ZNF410: variants seen among roughly 807,000 people sequenced by gnomAD.
ZNF410 encodes another partner for ARF 1.
ZNF410 carries 18 observed loss-of-function variants against 54.8 expected under a neutral mutation model. The ratio of observed to expected loss-of-function variants is 0.33; its 90% CI spans 0.23 to 0.49. ZNF410 has a LOEUF of 0.49. ZNF410 is among the 20% of genes least tolerant of loss of function. The pLI is 0.99. For synonymous variants in ZNF410, 191 were observed against 207.3 expected (o/e 0.92, Z 0.68); for missense variants, 405 against 569.6 (o/e 0.71, Z 2.94).
chr14:73,907,605 A>T (rs965654798), intron 7 of ZNF410, among the ~76,000 whole-genome samples: 5 of 148,470 alleles, frequency 3.4e-5, no homozygotes, highest in Admixed American at 6.7e-5. Flanking sequence ...AAAAAAAAAA[A>T]TTTTGACTGG....
At chr14:73,926,209 T>G (rs1345170895) in intron 11 of ZNF410, among the ~76,000 whole-genome samples, 2 of 152,192 alleles carry the variant, frequency 1.3e-5, no homozygotes, top group Non-Finnish European at 2.9e-5. Context: ...TATAATATCT[T>G]TACCACTTCA....
chr14:73,921,944 G>A lies in ZNF410; in HGVS notation c.1130-122G>A, dbSNP rs76612352. The A allele has an allele frequency of 5.2e-3, 5,704 of 1,087,948 alleles. 21 individuals carry two copies. The highest frequency in any genetic ancestry group is 6.8e-3 in the Non-Finnish European group (5,118 of 749,068). 67.4% of individuals were successfully genotyped at this position (1,087,948 alleles called of 1,614,324 possible). A position where few individuals can be genotyped will look rare whatever the true frequency, so the allele number is the denominator to read the frequency against. The stretch of plus-strand genomic sequence containing the variant: ...CTCGAAAGTAGGTGAAATAGGGGGT[G>A]GCATCCCATCTATAGGTTAACTTCT... On this transcript the variant is annotated intron_variant, in intron 9 of 11. Transcript: ENST00000555044.
chr14:73,909,609 G>C (rs995494277), intron 8 of ZNF410, 179 bp downstream of exon 8: 12 of 480,566 alleles, frequency 2.5e-5, no homozygotes, highest in Non-Finnish European at 3.9e-5. Context: ...ATCAAGGTTG[G>C]GGGGGGGACA....
chr14:73,909,772 A>G lies in ZNF410; in HGVS notation c.1003+342A>G, dbSNP rs988331592. Reference sequence around the variant, plus strand: ...CATTTTTATCCTTGGGGAGGATTTCATATCAGAAGAAAGTAAAAAGACTGA... The same window carrying G: ...CATTTTTATCCTTGGGGAGGATTTCGTATCAGAAGAAAGTAAAAAGACTGA... On this transcript the variant is annotated intron_variant, in intron 8 of 11. Coordinates refer to ENST00000555044, the MANE Select transcript of ZNF410 (RefSeq NM_021188.3). Among the ~76,000 whole-genome samples the G allele has an allele frequency of 3.9e-5, 6 of 152,202 alleles. 1 individual carries two copies. The highest frequency in any genetic ancestry group is 4.1e-4 in the South Asian group (2 of 4,834).
At chr14:73,920,938 C>T (rs1397576317) in intron 8 of ZNF410, 42 bp from the exon 9 acceptor site, 1 of 1,611,526 alleles carries the variant, frequency 6.2e-7, no homozygotes, top group African/African-American at 1.3e-5. Flanking sequence ...CATTCTCTTC[C>T]TGTCCTTTTG....
Position 73,896,510 on chromosome 14 carries a change from A to G in ZNF410, c.364A>G (p.Ile122Val). ...ACAGCCAAGTGATAGCACTTCTTTTATTCTTCTTAACCTAACAAGAGCAGG... is the reference window on the plus strand; with the variant it reads ...ACAGCCAAGTGATAGCACTTCTTTTGTTCTTCTTAACCTAACAAGAGCAGG... ...DLQPSDSTSFILLNLTRAGLG... is the reference protein window; with the variant it reads ...DLQPSDSTSFVLLNLTRAGLG... The change falls in exon 4 of 12, where the codon ATT becomes GTT. Residue 122 changes from isoleucine (I) to valine (V), a missense_variant. This residue lies in a region of ZNF410 where 247 missense variants were observed against 342.8 expected (regional missense o/e 0.72). Coordinates refer to ENST00000555044, the MANE Select transcript of ZNF410 (RefSeq NM_021188.3). 1 of 1,614,118 alleles carries G rather than the reference A, an allele frequency of 6.2e-7. No homozygotes were observed. The highest frequency in any genetic ancestry group is 8.5e-7 in the Non-Finnish European group (1 of 1,180,008).
chr14:73,918,455 A>G (rs1464503895), intron 8 of ZNF410, among the ~76,000 whole-genome samples: 3 of 151,944 alleles, frequency 2.0e-5, no homozygotes, highest in African/African-American at 4.8e-5. Context: ...GGTTGAATCA[A>G]TGGATGTGGA....
intron 5 of ZNF410, chr14:73,903,626 C>T (rs1297870640): frequency 8.1e-6 from 2 of 247,620 alleles, no homozygotes; most frequent in Non-Finnish European, 1.6e-5. Flanking sequence ...GCCTCAACTA[C>T]AGGACTGCGC....
At chr14:73,912,281 C>T (rs11159045) in intron 8 of ZNF410, among the ~76,000 whole-genome samples, 129,170 of 151,778 alleles carry the variant, frequency 0.85, 55,196 homozygotes, top group East Asian at 0.94. Context: ...GCAATTCTCC[C>T]GTCTCAGCCA....
rs140000626 is a variant in ZNF410 at position 73,929,618 on chromosome 14, A to G, written c.1399-1885A>G. ...TTGGGAGGCTGGGGTGGGAGGATCA[A>G]TTGAGCTTAGGAGTTTGAGACCAGC... On this transcript the variant is annotated intron_variant, in intron 11 of 11. Transcript: ENST00000555044. 2.7e-3 allele frequency among the ~76,000 whole-genome samples: 409 copies of G among 152,010 alleles called. 2 individuals are homozygous for G. The highest frequency in any genetic ancestry group is 9.4e-3 in the African/African-American group (388 of 41,454).
rs767119767 is a variant in ZNF410, at chr14:73,921,104, T to C, written c.1128T>C (p.Thr376=). 6.2e-7 allele frequency: 1 copy of C among 1,613,862 alleles called. No homozygotes were observed. Among genetic ancestry groups the C allele is most frequent in the East Asian group, 2.2e-5 (1 of 44,886 alleles). Residue 376 remains threonine, a splice_region_variant and synonymous_variant, in exon 9 of 12, where the codon ACT becomes ACC. Coordinates refer to ENST00000555044, the MANE Select transcript of ZNF410 (RefSeq NM_021188.3). ...GAAGSQEQEQ[T]AEPLMGSSLL... is the part of the protein sequence containing the mutation. ...CTGGGAGTCAAGAGCAGGAGCAAAC[T>C]GGTGAGGAGGGTGGGCATAGTGGAA...
chr14:73,905,041 A>T lies in ZNF410; in HGVS notation c.871A>T (p.Thr291Ser), dbSNP rs1187779521. Residue 291 changes from threonine to serine, a missense_variant, in exon 7 of 12, where the codon ACT (threonine) becomes TCT (serine). This residue lies in a region of ZNF410 where 31 missense variants were observed against 85.5 expected (regional missense o/e 0.36). Coordinates refer to ENST00000555044, the MANE Select transcript of ZNF410 (RefSeq NM_021188.3). ...CHESGCGKQF[T>S]TAGNLKNHRR... ...TGAGTCTGGCTGTGGTAAGCAGTTTACTACAGCTGGAAACCTGAAGAACCA... is the reference window on the plus strand; with the variant it reads ...TGAGTCTGGCTGTGGTAAGCAGTTTTCTACAGCTGGAAACCTGAAGAACCA... The T allele has an allele frequency of 6.2e-7, 1 of 1,613,928 alleles. No individual in the cohort carries two copies. Among genetic ancestry groups the T allele is most frequent in the South Asian group, 1.1e-5 (1 of 91,062 alleles).
chr14:73,893,986 A>G (rs2140295562), intron 3 of ZNF410, 54 bp downstream of exon 3: 4 of 1,546,548 alleles, frequency 2.6e-6, no homozygotes, highest in Non-Finnish European at 3.5e-6. Flanking sequence ...AGCTTAGCCT[A>G]CTCTATGTTA....
rs906481832 is a variant in ZNF410, at chr14:73,918,997, C to CTTTTTTT, written c.1004-1959_1004-1953dup. The stretch of plus-strand genomic sequence containing the variant: ...ACAGGAGTAAGCCACCGTGCCCGGC[C>CTTTTTTT]TTTTTTTTTTTTTTTTTTTTTTTTT... On this transcript the variant is annotated intron_variant, in intron 8 of 11. Coordinates refer to ENST00000555044, the MANE Select transcript of ZNF410 (RefSeq NM_021188.3). Among the ~76,000 whole-genome samples, 5 of 60,640 alleles carry CTTTTTTT rather than the reference C, an allele frequency of 8.2e-5. 1 individual carries two copies. The highest frequency in any genetic ancestry group is 1.8e-3 in the South Asian group (2 of 1,140). The allele number at this position is 60,640 out of a possible 152,430, so 39.8% of individuals were successfully genotyped here. A position where few individuals can be genotyped will look rare whatever the true frequency, so the allele number is the denominator to read the frequency against.
intron 2 of ZNF410, chr14:73,893,444 A>T (rs2055262400): frequency 5.4e-6 from 1 of 185,124 alleles, no homozygotes. Context: ...ACAGCATGTT[A>T]CTGTACTGAA....
In ZNF410 at chr14:73,892,023, C is replaced by G. The variant is rs765325517; in HGVS notation, c.-149-4C>G. On this transcript the variant is annotated splice_region_variant and splice_polypyrimidine_tract_variant and intron_variant, in intron 1 of 11. Transcript: ENST00000555044. ...CCCCTCTCTCTTTTTTACCCCTATT[C>G]TAGGTTACATTGATTACCCACCTAG... is the stretch of plus-strand genomic sequence containing the variant. 7 of 846,108 alleles carry G rather than the reference C, an allele frequency of 8.3e-6. No homozygotes were observed. In the South Asian group the frequency reaches 9.6e-5, roughly 12 times the overall value. 52.4% of individuals were successfully genotyped at this position (846,108 alleles called of 1,614,324 possible).
intron 8 of ZNF410, chr14:73,914,978 T>C (rs1457555940): frequency 6.6e-6 from 1 of 150,546 alleles, no homozygotes; most frequent in African/African-American, 2.4e-5. Context: ...ATAGAAGTGG[T>C]GAGGCCGGGC....
At chr14:73,925,926 C>T (rs953239665) in intron 11 of ZNF410, among the ~76,000 whole-genome samples, 25 of 152,082 alleles carry the variant, frequency 1.6e-4, no homozygotes, top group African/African-American at 6.0e-4. Context: ...CCCAACTACT[C>T]GGGAGGCTGA....
chr14:73,903,645 C>G (rs1408043756), intron 5 of ZNF410: 1 of 291,868 alleles, frequency 3.4e-6, no homozygotes, highest in Non-Finnish European at 6.5e-6. Context: ...GCCACCATGC[C>G]TGTCTAATTT....
Sources: allele counts gnomAD v4.1 joint callset (sites outside exome capture counted in the v4.1 genomes callset), GRCh38; gene constraint gnomAD v4.1.1; regional missense constraint gnomAD v4.1.1; transcripts MANE v1.5; gene names NCBI Gene and HGNC (gene_info 2026-07-23, HGNC 2026-07-21).